The following ENTREP2 variants were observed in gnomAD, a reference collection of about 807,000 sequenced individuals.
ENTREP2 encodes protein ENTREP2.
the ENTREP2 span, among the ~76,000 whole-genome samples, chr15:29,159,178 G>GT: frequency 2.5e-4 from 38 of 152,142 alleles, no homozygotes; most frequent in African/African-American, 8.7e-4. Context: ...TGTGTTTGGA[G>GT]TTTTTTCTGG....
At chr15:29,120,466 C>T in the ENTREP2 span, 2 of 152,208 alleles carry the variant, frequency 1.3e-5, no homozygotes, top group Non-Finnish European at 1.5e-5. Flanking sequence ...GTGTTACAAG[C>T]ATTTAATGTG....
the ENTREP2 span, among the ~76,000 whole-genome samples, chr15:29,170,631 C>A: frequency 0.27 from 40,592 of 151,874 alleles, 6,017 homozygotes; most frequent in East Asian, 0.52. Context: ...GTGACAGGAT[C>A]ATTTTAAATT....
chr15:29,249,948 G>A, the ENTREP2 span, among the ~76,000 whole-genome samples: 1 of 152,018 alleles, frequency 6.6e-6, no homozygotes. Flanking sequence ...TAAACAACCA[G>A]CTCTCGTGAG....
At chr15:29,651,871 G>A in the ENTREP2 span, among the ~76,000 whole-genome samples, 55 of 152,220 alleles carry the variant, frequency 3.6e-4, no homozygotes, top group African/African-American at 1.2e-3. Flanking sequence ...TGGGCACCAT[G>A]GACAGCAGCA....
At chr15:29,165,752 TTGG>T in the ENTREP2 span, among the ~76,000 whole-genome samples, 3 of 152,044 alleles carry the variant, frequency 2.0e-5, no homozygotes, top group African/African-American at 7.2e-5. Context: ...CTAAGAAGAA[TTGG>T]TACCAATCCT....
the ENTREP2 span, among the ~76,000 whole-genome samples, chr15:29,615,877 G>A: frequency 2.0e-5 from 3 of 152,176 alleles, no homozygotes; most frequent in African/African-American, 7.2e-5. Flanking sequence ...GGATGATACA[G>A]GGAAGCAGCG....
chr15:29,227,559 G>A, the ENTREP2 span, among the ~76,000 whole-genome samples: 13 of 152,186 alleles, frequency 8.5e-5, no homozygotes, highest in Non-Finnish European at 1.5e-4. Flanking sequence ...AGGCCAGAAA[G>A]GGCTGGGAGG....
chr15:29,140,663 C>A, the ENTREP2 span, among the ~76,000 whole-genome samples: 1 of 152,192 alleles, frequency 6.6e-6, no homozygotes, highest in Non-Finnish European at 1.5e-5. Flanking sequence ...CCTTCAGGAC[C>A]AGCGGAAATG....
chr15:29,641,684 T>C, the ENTREP2 span, among the ~76,000 whole-genome samples: 24 of 151,730 alleles, frequency 1.6e-4, no homozygotes, highest in Non-Finnish European at 2.8e-4. Context: ...GCACAAAAAT[T>C]AGCCGGGCAT....
the ENTREP2 span, among the ~76,000 whole-genome samples, chr15:29,650,802 A>T: frequency 1.3e-5 from 2 of 152,144 alleles, no homozygotes; most frequent in Non-Finnish European, 2.9e-5. Context: ...TGAGACCAGG[A>T]GTTCAAGAGC....
At chr15:29,207,365 A>G in the ENTREP2 span, among the ~76,000 whole-genome samples, 2 of 150,988 alleles carry the variant, frequency 1.3e-5, no homozygotes, top group Admixed American at 1.3e-4. Context: ...GCACGAACCC[A>G]AAGAGTGAGT....
At chr15:29,313,066 A>G in the ENTREP2 span, among the ~76,000 whole-genome samples, 4 of 152,248 alleles carry the variant, frequency 2.6e-5, no homozygotes, top group Non-Finnish European at 4.4e-5. Context: ...ACCAGACACA[A>G]CATTCCCTTA....
At chr15:29,195,028 C>A in the ENTREP2 span, 5 of 776,896 alleles carry the variant, frequency 6.4e-6, no homozygotes, top group African/African-American at 9.4e-5. Flanking sequence ...AAGGCCACAG[C>A]AGACCTCAGG....
chr15:29,478,249 G>A, the ENTREP2 span, among the ~76,000 whole-genome samples: 374 of 151,716 alleles, frequency 2.5e-3, 2 homozygotes, highest in African/African-American at 8.7e-3. Context: ...GAATGGTCTC[G>A]ATCTCCTGAC....
the ENTREP2 span, among the ~76,000 whole-genome samples, chr15:29,605,557 C>A: frequency 2.0e-5 from 3 of 152,104 alleles, no homozygotes; most frequent in Non-Finnish European, 4.4e-5. Flanking sequence ...GGATTCAGGG[C>A]AGGGCATGGT....
the ENTREP2 span, among the ~76,000 whole-genome samples, chr15:29,652,648 C>A: frequency 6.6e-6 from 1 of 152,248 alleles, no homozygotes; most frequent in Non-Finnish European, 1.5e-5. Context: ...GCATTCCCCC[C>A]AGGGCCAGCC....
At chr15:29,559,993 A>G in the ENTREP2 span, among the ~76,000 whole-genome samples, 3 of 152,210 alleles carry the variant, frequency 2.0e-5, no homozygotes, top group African/African-American at 7.2e-5. Context: ...CTGGAACTGA[A>G]TATGACATTT....
chr15:29,167,611 A>C, the ENTREP2 span, among the ~76,000 whole-genome samples: 3 of 152,252 alleles, frequency 2.0e-5, no homozygotes, highest in Admixed American at 6.5e-5. Flanking sequence ...TCAAAACCAC[A>C]GTGTGATACC....
At chr15:29,459,385 A>G in the ENTREP2 span, among the ~76,000 whole-genome samples, 24 of 152,168 alleles carry the variant, frequency 1.6e-4, no homozygotes, top group Admixed American at 7.9e-4. Context: ...GATGAGTCCC[A>G]TCATCTGCCC....
Sources: gnomAD v4.1 joint callset for allele counts (sites outside exome capture counted in the v4.1 genomes callset) on GRCh38, gnomAD v4.1.1 for gene constraint, MANE v1.5 for transcripts, NCBI Gene and HGNC (gene_info 2026-07-23, HGNC 2026-07-21) for gene names.